Variants in LTBP1 observed in about 807,000 individuals in gnomAD.
The protein encoded by LTBP1 is latent-transforming growth factor beta-binding protein 1.
In LTBP1, 129 loss-of-function variants were observed where a neutral mutation model predicts 207.6. The observed-to-expected ratio is 0.62, with a 90% CI of 0.54 to 0.72. LTBP1 has a LOEUF of 0.72. Among genes scored for constraint, LTBP1 ranks in the 30% least tolerant of loss-of-function variants. The pLI is 0.00. For missense variants in LTBP1, 2,281 were observed against 2,217.2 expected, an observed-to-expected ratio of 1.03 and a Z score of -0.58; for synonymous variants, 963 against 833.7, an observed-to-expected ratio of 1.16 and a Z score of -2.67.
At chr2:33,133,012 A>T (rs897090) in intron 4 of LTBP1, among the ~76,000 whole-genome samples, 1 of 152,024 alleles carries the variant, frequency 6.6e-6, no homozygotes, top group African/African-American at 2.4e-5. Flanking sequence ...TGCCATAACT[A>T]TCATGTGCTT....
intron 7 of LTBP1, among the ~76,000 whole-genome samples, chr2:33,191,635 A>G (rs1448144620): frequency 1.3e-5 from 2 of 152,234 alleles, no homozygotes; most frequent in African/African-American, 4.8e-5. Context: ...AGGATTTTGA[A>G]AACATTTGTG....
chr2:33,025,464 C>A (rs560647834), intron 3 of LTBP1, among the ~76,000 whole-genome samples: 1 of 152,216 alleles, frequency 6.6e-6, no homozygotes, highest in East Asian at 1.9e-4. Flanking sequence ...AATGGAAGGA[C>A]GCCTCGTAGC....
intron 27 of LTBP1, 85 bp downstream of exon 27, chr2:33,360,864 C>T (rs1321779826): frequency 3.2e-6 from 4 of 1,260,464 alleles, no homozygotes; most frequent in Admixed American, 3.9e-5. Flanking sequence ...CTCATTCCCA[C>T]AGCCAACTCA....
At chr2:33,136,953 G>A (rs527478182) in intron 5 of LTBP1, among the ~76,000 whole-genome samples, 9 of 152,278 alleles carry the variant, frequency 5.9e-5, no homozygotes, top group African/African-American at 2.2e-4. Context: ...GGGTGAGAAG[G>A]ACCCATAGTA....
intron 5 of LTBP1, among the ~76,000 whole-genome samples, chr2:33,161,827 A>G (rs1446405698): frequency 6.6e-6 from 1 of 152,236 alleles, no homozygotes; most frequent in African/African-American, 2.4e-5. Flanking sequence ...TTTATTGATG[A>G]TCAGTCTTAG....
chr2:33,129,229 C>A (rs1260134276), intron 4 of LTBP1, among the ~76,000 whole-genome samples: 1 of 152,112 alleles, frequency 6.6e-6, no homozygotes, highest in African/African-American at 2.4e-5. Context: ...TTTTCTTTAA[C>A]ATTATAGATC....
intron 3 of LTBP1, among the ~76,000 whole-genome samples, chr2:33,046,473 C>A (rs1438391492): frequency 6.6e-6 from 1 of 152,124 alleles, no homozygotes; most frequent in Admixed American, 6.5e-5. Context: ...CCGACTTGAT[C>A]GTGGTGGATA....
intron 2 of LTBP1, among the ~76,000 whole-genome samples, chr2:32,991,405 G>T (rs1159013533): frequency 6.6e-6 from 1 of 152,024 alleles, no homozygotes; most frequent in Non-Finnish European, 1.5e-5. Flanking sequence ...CCCTAAATTT[G>T]GCAAAATAAT....
chr2:33,057,196 G>C (rs1022026934), intron 3 of LTBP1, among the ~76,000 whole-genome samples: 2 of 151,698 alleles, frequency 1.3e-5, no homozygotes, highest in Admixed American at 1.3e-4. Context: ...GCTAGATACA[G>C]AGTGCCGATT....
At chr2:33,038,941 C>G (rs984164282) in intron 3 of LTBP1, among the ~76,000 whole-genome samples, 1 of 152,218 alleles carries the variant, frequency 6.6e-6, no homozygotes, top group Non-Finnish European at 1.5e-5. Context: ...GTGCCTGCCT[C>G]TGGGCACCTG....
intron 24 of LTBP1, among the ~76,000 whole-genome samples, chr2:33,322,850 C>T (rs887483854): frequency 9.9e-5 from 15 of 152,140 alleles, no homozygotes; most frequent in South Asian, 6.2e-4. Context: ...ATTCACTCAC[C>T]GTGTAATGAA....
chr2:33,220,459 T>A (rs10495784), intron 8 of LTBP1, among the ~76,000 whole-genome samples: 74,458 of 152,092 alleles, frequency 0.49, 18,444 homozygotes, highest in Non-Finnish European at 0.52. Context: ...TTGCTGTGAA[T>A]ACTTAATTTT....
At chr2:33,202,870 G>A (rs932642381) in intron 7 of LTBP1, among the ~76,000 whole-genome samples, 10 of 152,206 alleles carry the variant, frequency 6.6e-5, no homozygotes, top group African/African-American at 2.4e-4. Flanking sequence ...GTGAGGCTGA[G>A]GCTACTAGAC....
intron 2 of LTBP1, among the ~76,000 whole-genome samples, chr2:32,994,367 A>C (rs1015775265): frequency 6.6e-6 from 1 of 152,150 alleles, no homozygotes; most frequent in Middle Eastern, 3.2e-3. Context: ...GCACCAAGGG[A>C]TTAAGTAACC....
chr2:33,219,741 C>T (rs970590849), intron 8 of LTBP1, among the ~76,000 whole-genome samples: 1 of 152,110 alleles, frequency 6.6e-6, no homozygotes, highest in Admixed American at 6.5e-5. Flanking sequence ...TTTTCATTTT[C>T]ATTTACCCCC....
intron 5 of LTBP1, among the ~76,000 whole-genome samples, chr2:33,162,938 T>C (rs1013213722): frequency 6.6e-6 from 1 of 152,120 alleles, no homozygotes; most frequent in Non-Finnish European, 1.5e-5. Flanking sequence ...AGTAAGAAAG[T>C]GTTCCTTTTA....
At chr2:33,337,343 A>G (rs1216694325) in intron 24 of LTBP1, among the ~76,000 whole-genome samples, 4 of 152,228 alleles carry the variant, frequency 2.6e-5, no homozygotes, top group Non-Finnish European at 4.4e-5. Flanking sequence ...GCGTGGATCT[A>G]TTAGTCATTG....
In LTBP1 at chr2:33,134,516, C is replaced by A; in HGVS notation, c.1034-277C>A. ...AAGTGCAGCATTGTGGTTAGTAATC[C>A]CACTCCAGTGACTCGACTTCAAATG... is the stretch of plus-strand genomic sequence containing the variant. On this transcript the variant is annotated intron_variant, in intron 4 of 33. Transcript: ENST00000404816. The surrounding 1 kb of genome is among the most constrained non-coding windows in gnomAD (Gnocchi z 4.4). 1 of 1,447,176 alleles carries A rather than the reference C, an allele frequency of 6.9e-7. No individual in the cohort carries two copies. The highest frequency in any genetic ancestry group is 9.3e-7 in the Non-Finnish European group (1 of 1,069,898). 89.6% of individuals were successfully genotyped at this position (1,447,176 alleles called of 1,614,324 possible).
At chr2:33,319,403 G>GAA (rs375481134) in intron 24 of LTBP1, among the ~76,000 whole-genome samples, 3 of 144,824 alleles carry the variant, frequency 2.1e-5, no homozygotes, top group African/African-American at 7.6e-5. Flanking sequence ...CATCTCAAAA[G>GAA]AAAAAAAAAA....
Sources: gnomAD v4.1 joint callset for allele counts (sites outside exome capture counted in the v4.1 genomes callset) on GRCh38, gnomAD v4.1.1 for gene constraint, Gnocchi (gnomAD v3.1) non-coding constraint, MANE v1.5 for transcripts, NCBI Gene and HGNC (gene_info 2026-07-23, HGNC 2026-07-21) for gene names.